The following SARNP variants were observed in gnomAD, a reference collection of about 807,000 sequenced individuals.
SARNP encodes SAP domain containing ribonucleoprotein, also known as SAP domain-containing ribonucleoprotein.
Under a neutral mutation model 38.1 loss-of-function variants are expected in SARNP, and 5 were observed. That is an observed-to-expected ratio of 0.13 (90% CI 0.07 to 0.28). The LOEUF (loss-of-function observed/expected upper bound fraction) is 0.28. Among genes scored for constraint, SARNP ranks in the 10% least tolerant of loss-of-function variants. The pLI, the probability that SARNP is intolerant of heterozygous loss-of-function variation, is 1.00. For synonymous variants in SARNP, 84 were observed against 80.6 expected (o/e 1.04, Z -0.23); for missense variants, 180 against 243.9 (o/e 0.74, Z 1.75).
Position 55,803,609 on chromosome 12 carries a change from C to T in SARNP, c.136+20G>A, listed in dbSNP as rs373237347. The T allele has an allele frequency of 2.8e-5, 41 of 1,487,894 alleles. No individual in the cohort carries two copies. The highest frequency in any genetic ancestry group is 1.7e-4 in the Middle Eastern group (1 of 5,720). 92.2% of individuals were successfully genotyped at this position (1,487,894 alleles called of 1,614,324 possible). A position where few individuals can be genotyped will look rare whatever the true frequency, so the allele number is the denominator to read the frequency against. ...GAAAATCCCCTCACTCACATCACTC[C>T]GCCTCCACAAAGTACTCACCATGTT... On this transcript the variant is annotated intron_variant, in intron 2 of 10. Coordinates refer to ENST00000336133, the MANE Select transcript of SARNP (RefSeq NM_033082.4).
intron 10 of SARNP, among the ~76,000 whole-genome samples, chr12:55,757,755 T>C (rs959150897): frequency 6.6e-6 from 1 of 151,896 alleles, no homozygotes; most frequent in Admixed American, 6.6e-5. Flanking sequence ...GAAAGTTTAA[T>C]GGGTAAGGAG....
chr12:55,787,285 C>T (rs191167782), intron 9 of SARNP, among the ~76,000 whole-genome samples: 5 of 143,422 alleles, frequency 3.5e-5, no homozygotes, highest in Non-Finnish European at 6.0e-5. Flanking sequence ...AAAGATGGAA[C>T]AAAGTTGTGC....
At chr12:55,808,216 C>T (rs987120062) in intron 1 of SARNP, among the ~76,000 whole-genome samples, 9 of 152,186 alleles carry the variant, frequency 5.9e-5, no homozygotes, top group Non-Finnish European at 1.2e-4. Context: ...GGCATGGTGG[C>T]TCATGCCTGT....
chr12:55,772,850 G>GATTACA (rs1879049896), intron 9 of SARNP, among the ~76,000 whole-genome samples: 1 of 151,940 alleles, frequency 6.6e-6, no homozygotes, highest in African/African-American at 2.4e-5. Context: ...GAGTAGCTGG[G>GATTACA]ATTACAGGCA....
chr12:55,796,178 T>C, intron 4 of SARNP, 102 bp from the exon 5 acceptor site: 1 of 794,398 alleles, frequency 1.3e-6, no homozygotes, highest in Admixed American at 2.1e-5. Context: ...TCTGCCCTAT[T>C]ATCTCTCTGC....
chr12:55,789,943 CAAAAAAAAA>C (rs1158181574), intron 8 of SARNP, among the ~76,000 whole-genome samples: 1 of 45,776 alleles, frequency 2.2e-5, no homozygotes, highest in Admixed American at 2.3e-4. Context: ...AACTCCGTCT[CAAAAAAAAA>C]AAAAAAAAAA....
intron 1 of SARNP, among the ~76,000 whole-genome samples, chr12:55,806,070 C>A (rs1592581174): frequency 6.6e-6 from 1 of 150,870 alleles, no homozygotes; most frequent in South Asian, 2.1e-4. Flanking sequence ...AAGGCTTTTG[C>A]CAGTTTTAAA....
intron 1 of SARNP, chr12:55,815,887 CTTTCA>C (rs1565685967): frequency 2.6e-5 from 4 of 152,150 alleles, no homozygotes; most frequent in Non-Finnish European, 5.9e-5. Context: ...GGGTCCATAC[CTTTCA>C]TCAGAGTTTC....
chr12:55,764,809 C>A, intron 9 of SARNP, among the ~76,000 whole-genome samples: 1 of 128,398 alleles, frequency 7.8e-6, no homozygotes, highest in African/African-American at 3.0e-5. Context: ...TCCAGCCTGG[C>A]AACAGAGCCA....
At position 55,775,241 on chromosome 12, in the gene SARNP, T is replaced by TAAAA. The variant is rs375018386; in HGVS notation, c.501+13830_501+13833dup. Among the ~76,000 whole-genome samples, 1,170 of 118,544 alleles carry TAAAA rather than the reference T, an allele frequency of 9.9e-3. 14 individuals carry two copies. The highest frequency in any genetic ancestry group is 0.033 in the African/African-American group (1,099 of 33,130). 77.8% of individuals were successfully genotyped at this position (118,544 alleles called of 152,430 possible). A position where few individuals can be genotyped will look rare whatever the true frequency, so the allele number is the denominator to read the frequency against. On this transcript the variant is annotated intron_variant, in intron 9 of 10. Coordinates refer to ENST00000336133, the MANE Select transcript of SARNP (RefSeq NM_033082.4). ...GCTCTGGGAGTTAAAAGGTTAAAAT[T>TAAAA]AAAAAAAAAAAAAAAAAAGAACATG...
chr12:55,798,278 C>A (rs1025743803), intron 4 of SARNP, among the ~76,000 whole-genome samples: 1 of 152,130 alleles, frequency 6.6e-6, no homozygotes. Flanking sequence ...AGGTGGATCG[C>A]TTTGAGCTCA....
At position 55,760,697 on chromosome 12, in the gene SARNP, T is replaced by C. The variant is rs935432847; in HGVS notation, c.502-57A>G. On this transcript the variant is annotated intron_variant, in intron 9 of 10. Coordinates refer to ENST00000336133, the MANE Select transcript of SARNP (RefSeq NM_033082.4). ...AACTAGCCTCCATTCACCAAGTAAA[T>C]GGGAATGAAATGATAACTTATTGGT... 6.8e-6 allele frequency: 8 copies of C among 1,178,668 alleles called. No individual in the cohort carries two copies. The Admixed American group carries it at 1.2e-4, about 18-fold the overall frequency. 73.0% of individuals were successfully genotyped at this position (1,178,668 alleles called of 1,614,324 possible).
chr12:55,817,639 A>G, intron 1 of SARNP, 27 bp downstream of exon 1: 1 of 1,607,918 alleles, frequency 6.2e-7, no homozygotes, highest in Non-Finnish European at 8.5e-7. Context: ...GAAAAGTCCA[A>G]CTCAGCCCTT....
At chr12:55,757,233 TCC>T, downstream of SARNP, 1 of 288,504 alleles carries the variant, frequency 3.5e-6, no homozygotes, top group Non-Finnish European at 6.5e-6. Flanking sequence ...CTAATCTAGC[TCC>T]AATAAATCAA....
intron 2 of SARNP, among the ~76,000 whole-genome samples, chr12:55,802,279 T>C (rs925975869): frequency 2.6e-5 from 4 of 152,054 alleles, no homozygotes; most frequent in Admixed American, 2.6e-4. Context: ...CTTGGGCATA[T>C]ACCCCAAAAA....
At chr12:55,756,707 A>G (rs1489757084), downstream of SARNP, 4 of 152,210 alleles carry the variant, frequency 2.6e-5, no homozygotes, top group Admixed American at 2.0e-4. Flanking sequence ...TATGTTCCCA[A>G]TGATTTAGCT....
chr12:55,770,753 C>T (rs1434555771), intron 9 of SARNP, among the ~76,000 whole-genome samples: 2 of 152,042 alleles, frequency 1.3e-5, no homozygotes, highest in African/African-American at 4.8e-5. Flanking sequence ...TAAACCCAAC[C>T]TGTGTCTTCA....
rs769112639 is a variant in SARNP, at chr12:55,803,743, AT to A, written c.37-16del. ...AGTTCGGCAAGCTGAGGGGAAAAAA[AT>A]AAAACTTTTCCTTAGTTAACAGGAT... is the stretch of plus-strand genomic sequence containing the variant. On this transcript the variant is annotated splice_polypyrimidine_tract_variant and intron_variant, in intron 1 of 10. Transcript: ENST00000336133. 9 of 1,594,740 alleles carry A rather than the reference AT, an allele frequency of 5.6e-6. No individual in the cohort carries two copies. The Admixed American group carries it at 1.5e-4, about 27-fold the overall frequency.
chr12:55,766,606 G>GT (rs1401635312), intron 9 of SARNP, among the ~76,000 whole-genome samples: 14 of 126,796 alleles, frequency 1.1e-4, no homozygotes, highest in East Asian at 2.4e-4. Context: ...TATTTTGTGG[G>GT]TTTTTTTGGC....
Sources: allele counts gnomAD v4.1 joint callset (sites outside exome capture counted in the v4.1 genomes callset), GRCh38; gene constraint gnomAD v4.1.1; transcripts MANE v1.5; gene names NCBI Gene and HGNC (gene_info 2026-07-23, HGNC 2026-07-21).